Variants in FAM107B observed in about 807,000 individuals in gnomAD.
The protein encoded by FAM107B is family with sequence similarity 107 member B.
FAM107B carries 21 observed loss-of-function variants against 31.5 expected under a neutral mutation model. That is an observed-to-expected ratio of 0.67 (90% CI 0.47 to 0.96). The LOEUF is 0.96. Ranked by LOEUF, FAM107B falls within the 40% of genes least tolerant of loss-of-function variation. The pLI is 0.00. For synonymous variants in FAM107B, 157 were observed against 141.5 expected (o/e 1.11, Z -0.78); for missense variants, 452 against 377.1 (o/e 1.20, Z -1.64).
At chr10:14,583,222 G>A (rs1006674402) in intron 2 of FAM107B, among the ~76,000 whole-genome samples, 1 of 152,122 alleles carries the variant, frequency 6.6e-6, no homozygotes, top group African/African-American at 2.4e-5. Context: ...AAAGAAACCA[G>A]AAGGAGGAAA....
At chr10:14,633,924 A>G (rs541252519) in intron 2 of FAM107B, among the ~76,000 whole-genome samples, 1 of 152,334 alleles carries the variant, frequency 6.6e-6, no homozygotes, top group East Asian at 1.9e-4. Flanking sequence ...AGCTTAGGGA[A>G]GAGATAAAAC....
intron 2 of FAM107B, among the ~76,000 whole-genome samples, chr10:14,578,449 C>T (rs1283238816): frequency 2.6e-5 from 4 of 152,120 alleles, no homozygotes; most frequent in Non-Finnish European, 5.9e-5. Context: ...ACATTTCCTT[C>T]GGAGATTCTG....
At chr10:14,611,834 A>T (rs1362710300) in intron 2 of FAM107B, among the ~76,000 whole-genome samples, 4 of 151,996 alleles carry the variant, frequency 2.6e-5, no homozygotes. Context: ...GTATAAAAAT[A>T]TATATGCATA....
chr10:14,588,235 A>G (rs1851906583), intron 2 of FAM107B, among the ~76,000 whole-genome samples: 1 of 152,164 alleles, frequency 6.6e-6, no homozygotes, highest in Non-Finnish European at 1.5e-5. Flanking sequence ...TTCCAGCACA[A>G]ATGCAGAAAA....
At chr10:14,604,155 C>G in intron 2 of FAM107B, 1 of 910,306 alleles carries the variant, frequency 1.1e-6, no homozygotes, top group Non-Finnish European at 1.3e-6. Context: ...AGAGGGTCCC[C>G]GGAGCCGGGG....
chr10:14,567,697 C>A (rs183163534), intron 2 of FAM107B, among the ~76,000 whole-genome samples: 1 of 152,112 alleles, frequency 6.6e-6, no homozygotes, highest in African/African-American at 2.4e-5. Flanking sequence ...CAAAGTCCAG[C>A]AGGAGCAGAG....
chr10:14,622,152 G>A (rs1853027899), intron 2 of FAM107B, among the ~76,000 whole-genome samples: 1 of 152,054 alleles, frequency 6.6e-6, no homozygotes, highest in South Asian at 2.1e-4. Context: ...GCATCCAACG[G>A]GGGCCAGGCA....
chr10:14,530,626 G>A, intron 2 of FAM107B, 111 bp from the exon 3 acceptor site: 3 of 978,480 alleles, frequency 3.1e-6, no homozygotes, highest in Non-Finnish European at 4.5e-6. Context: ...CCATCCTCCT[G>A]AGTCCACTCT....
chr10:14,751,725 T>C (rs932179831), intron 1 of FAM107B, among the ~76,000 whole-genome samples: 4 of 152,044 alleles, frequency 2.6e-5, no homozygotes, highest in African/African-American at 9.7e-5. Context: ...CCCAGAGATC[T>C]ATCGACCCTA....
intron 1 of FAM107B, among the ~76,000 whole-genome samples, chr10:14,759,438 C>A (rs1242298403): frequency 3.3e-5 from 5 of 152,166 alleles, no homozygotes; most frequent in Admixed American, 1.3e-4. Context: ...TGGTCTGGTG[C>A]CCTCTCCTGG....
chr10:14,769,219 G>A (rs1270099988), intron 1 of FAM107B, among the ~76,000 whole-genome samples: 2 of 152,232 alleles, frequency 1.3e-5, no homozygotes. Flanking sequence ...CAGACGCTCA[G>A]TAACCACCAG....
intron 2 of FAM107B, among the ~76,000 whole-genome samples, chr10:14,611,095 GT>G (rs1852713265): frequency 6.6e-6 from 1 of 152,006 alleles, no homozygotes; most frequent in African/African-American, 2.4e-5. Context: ...TGCATTTTAC[GT>G]TTTTTTCTTT....
At chr10:14,672,490 G>C (rs1854584962) in intron 1 of FAM107B, among the ~76,000 whole-genome samples, 1 of 152,240 alleles carries the variant, frequency 6.6e-6, no homozygotes, top group African/African-American at 2.4e-5. Context: ...TTCATTTACA[G>C]TCGTGTGTTG....
intron 1 of FAM107B, among the ~76,000 whole-genome samples, chr10:14,684,087 C>T (rs914102274): frequency 6.6e-6 from 1 of 152,174 alleles, no homozygotes; most frequent in Non-Finnish European, 1.5e-5. Flanking sequence ...GGCACACTTC[C>T]TTGTTCATAG....
At chr10:14,628,652 A>G (rs1016670213) in intron 2 of FAM107B, among the ~76,000 whole-genome samples, 1 of 152,230 alleles carries the variant, frequency 6.6e-6, no homozygotes, top group African/African-American at 2.4e-5. Flanking sequence ...AAGATGATTA[A>G]CTAAATCAAA....
intron 1 of FAM107B, among the ~76,000 whole-genome samples, chr10:14,696,075 T>A (rs1054531389): frequency 2.0e-5 from 3 of 152,206 alleles, no homozygotes; most frequent in Non-Finnish European, 4.4e-5. Flanking sequence ...GTGAAAAACC[T>A]TTCAGTTGTT....
At chr10:14,564,512 A>G (rs924140457) in intron 2 of FAM107B, among the ~76,000 whole-genome samples, 2 of 152,058 alleles carry the variant, frequency 1.3e-5, no homozygotes, top group Admixed American at 6.5e-5. Context: ...TGTTTAAAAA[A>G]AAAAAAAAAA....
intron 2 of FAM107B, among the ~76,000 whole-genome samples, chr10:14,661,402 G>A (rs761897402): frequency 6.6e-6 from 1 of 152,188 alleles, no homozygotes; most frequent in Non-Finnish European, 1.5e-5. Flanking sequence ...CCCCAGTGTA[G>A]GTGGCCATTA....
chr10:14,703,440 A>G (rs1855450269), intron 1 of FAM107B, among the ~76,000 whole-genome samples: 1 of 151,238 alleles, frequency 6.6e-6, no homozygotes, highest in African/African-American at 2.4e-5. Flanking sequence ...GGTTCAAGCA[A>G]TTCTGGTGCC....
Sources: gnomAD v4.1 joint callset for allele counts (sites outside exome capture counted in the v4.1 genomes callset) on GRCh38, gnomAD v4.1.1 for gene constraint, MANE v1.5 for transcripts, NCBI Gene and HGNC (gene_info 2026-07-23, HGNC 2026-07-21) for gene names.